SEMA3F: variants seen among roughly 807,000 people sequenced by gnomAD.
SEMA3F encodes the protein semaphorin 3F, also known as semaphorin-3F.
In SEMA3F, 30 loss-of-function variants were observed where a neutral mutation model predicts 98.5. The ratio of observed to expected loss-of-function variants is 0.30; its 90% CI spans 0.23 to 0.41. The LOEUF is 0.41. Ranked by LOEUF, SEMA3F falls within the 10% of genes least tolerant of loss-of-function variation. SEMA3F has a pLI of 1.00. For missense variants in SEMA3F, 866 were observed against 1,119.3 expected (o/e 0.77, Z 3.23); for synonymous variants, 380 against 444.8 (o/e 0.85, Z 1.83).
chr3:50,176,710 T>TA (rs904632121), intron 6 of SEMA3F, 58 bp from the exon 7 acceptor site: 25 of 1,310,192 alleles, frequency 1.9e-5, no homozygotes, highest in Non-Finnish European at 2.4e-5. Context: ...TGGTGACCCT[T>TA]ACACTTCCTG....
chr3:50,165,455 C>T (rs956313395), intron 2 of SEMA3F, among the ~76,000 whole-genome samples: 1 of 152,178 alleles, frequency 6.6e-6, no homozygotes, highest in African/African-American at 2.4e-5. Flanking sequence ...CTGGTTGGGA[C>T]GCACAGTTGG....
chr3:50,162,289 G>A (rs1559719968), intron 2 of SEMA3F, among the ~76,000 whole-genome samples: 2 of 152,242 alleles, frequency 1.3e-5, no homozygotes, highest in East Asian at 3.8e-4. Flanking sequence ...CCATCCGCCT[G>A]GGCACCCCAG....
At chr3:50,161,660 G>T (rs1266351270) in intron 2 of SEMA3F, among the ~76,000 whole-genome samples, 1 of 152,222 alleles carries the variant, frequency 6.6e-6, no homozygotes, top group African/African-American at 2.4e-5. Context: ...TCCTAATTTT[G>T]TGCTTAGACT....
Position 50,182,547 on chromosome 3 carries a change from T to C in SEMA3F, c.764-97T>C. On this transcript the variant is annotated intron_variant, in intron 8 of 18. Coordinates refer to ENST00000002829, the MANE Select transcript of SEMA3F (RefSeq NM_004186.5). The surrounding 1 kb of genome is among the most constrained non-coding windows in gnomAD (Gnocchi z 4.5). ...GGGTAGTTTCTTATCTGGAGAGGAG[T>C]TGGGGGTGTTCTTGCACCTGGCTGG... 2 of 1,575,284 alleles carry C rather than the reference T, an allele frequency of 1.3e-6. No individual in the cohort carries two copies. Among genetic ancestry groups the C allele is most frequent in the Non-Finnish European group, 1.7e-6 (2 of 1,154,588 alleles).
chr3:50,174,080 T>C lies in SEMA3F; in HGVS notation c.302T>C (p.Ile101Thr). 6.2e-7 allele frequency: 1 copy of C among 1,614,074 alleles called. No homozygotes were observed. The highest frequency in any genetic ancestry group is 8.5e-7 in the Non-Finnish European group (1 of 1,180,008). ...CACTGGGCAGCCTCCCCACAGCGCA[T>C]CGAGGAATGCGTGCTCTCAGGCAAG... ...IIHWAASPQR[I>T]EECVLSGKDV... Residue 101 changes from isoleucine (I) to threonine (T), a missense_variant, in exon 4 of 19, where the codon ATC becomes ACC. Around this residue, in one of 3 missense-constraint regions of SEMA3F, gnomAD observed 247 missense variants for 276.0 expected, o/e 0.89. Transcript: ENST00000002829.
At chr3:50,177,847 C>A (rs1244279919) in intron 7 of SEMA3F, among the ~76,000 whole-genome samples, 1 of 151,898 alleles carries the variant, frequency 6.6e-6, no homozygotes, top group Non-Finnish European at 1.5e-5. Flanking sequence ...CATGGTGAAA[C>A]CCTGTCTCTA....
At position 50,186,346 on chromosome 3, in the gene SEMA3F, A is replaced by G. The variant is rs747580790; in HGVS notation, c.1811A>G (p.Asn604Ser). 3.2e-5 allele frequency: 51 copies of G among 1,613,354 alleles called. No homozygotes were observed. The highest frequency in any genetic ancestry group is 6.7e-5 in the East Asian group (3 of 44,890). The change falls in exon 17 of 19, where the codon AAT (asparagine) becomes AGT (serine). Residue 604 changes from asparagine to serine, a missense_variant and splice_region_variant. By Grantham distance (46) the Asn-to-Ser change is conservative. Around this residue, in one of 3 missense-constraint regions of SEMA3F, gnomAD observed 245 missense variants for 260.5 expected, o/e 0.94. Coordinates refer to ENST00000002829, the MANE Select transcript of SEMA3F (RefSeq NM_004186.5). Reference sequence around the variant, plus strand: ...AGGCAGTGCCGTGGGTTCAACTCCAATGGTGAGTATGCTGGGCCTCACTGT... The same window carrying G: ...AGGCAGTGCCGTGGGTTCAACTCCAGTGGTGAGTATGCTGGGCCTCACTGT... ...PIRQCRGFNS[N>S]ANKNAVESVQ...
intron 10 of SEMA3F, 24 bp downstream of exon 10, chr3:50,183,042 G>A: frequency 1.2e-6 from 2 of 1,602,328 alleles, no homozygotes; most frequent in Non-Finnish European, 1.7e-6. Context: ...AGGCAGGCAG[G>A]GTGCTCTGGC....
chr3:50,182,269 C>G lies in SEMA3F; in HGVS notation c.644-15C>G. The G allele has an allele frequency of 6.2e-7, 1 of 1,614,072 alleles. No individual in the cohort carries two copies. Among genetic ancestry groups the G allele is most frequent in the Non-Finnish European group, 8.5e-7 (1 of 1,180,020 alleles). The stretch of plus-strand genomic sequence containing the variant: ...AAACAGCAGCCCCCCAACTGACCCA[C>G]TGGCCTACCCACAGATGAGGAGCTC... On this transcript the variant is annotated splice_polypyrimidine_tract_variant and intron_variant, in intron 7 of 18. Transcript: ENST00000002829. This position sits in a 1 kb window ranked among gnomAD's most constrained non-coding sequence, Gnocchi z 4.5.
At chr3:50,175,224 A>G in intron 6 of SEMA3F, 36 bp downstream of exon 6, 2 of 1,432,190 alleles carry the variant, frequency 1.4e-6, no homozygotes, top group Non-Finnish European at 1.9e-6. Flanking sequence ...GCCAGGCAGC[A>G]CTGCCTCTGA....
At chr3:50,176,713 A>C in intron 6 of SEMA3F, 55 bp from the exon 7 acceptor site, 6 of 1,334,110 alleles carry the variant, frequency 4.5e-6, no homozygotes, top group Non-Finnish European at 4.3e-6. Flanking sequence ...TGACCCTTAC[A>C]CTTCCTGGCT....
At chr3:50,163,673 G>GC (rs1698299615) in intron 2 of SEMA3F, among the ~76,000 whole-genome samples, 1 of 152,188 alleles carries the variant, frequency 6.6e-6, no homozygotes, top group Non-Finnish European at 1.5e-5. Flanking sequence ...ACATGCTCTT[G>GC]CCCCCCAGGG....
intron 18 of SEMA3F, among the ~76,000 whole-genome samples, 157 bp from the exon 19 acceptor site, chr3:50,187,548 C>G (rs1296207502): frequency 2.0e-5 from 3 of 151,934 alleles, no homozygotes; most frequent in East Asian, 3.9e-4. Context: ...TCAAATATCT[C>G]TCATTATGTA....
intron 2 of SEMA3F, among the ~76,000 whole-genome samples, chr3:50,168,755 G>T (rs1485735021): frequency 6.6e-6 from 1 of 152,268 alleles, no homozygotes; most frequent in Admixed American, 6.5e-5. Flanking sequence ...TCCTGTGGGG[G>T]TATCCGGTAG....
rs760769051 is a variant in SEMA3F at position 50,187,897 on chromosome 3, G to T, written c.2140G>T (p.Ala714Ser). The T allele has an allele frequency of 6.2e-7, 1 of 1,609,378 alleles. No individual in the cohort carries two copies. The highest frequency in any genetic ancestry group is 8.5e-7 in the Non-Finnish European group (1 of 1,177,446). The stretch of plus-strand genomic sequence containing the variant: ...CCTCTTCCCACCACTGTCCATGAGC[G>T]CCCCGCCACCCCCAGGCGCAGGCCC... ...AALFPPLSMS[A>S]PPPPGAGPPT... The change falls in exon 19 of 19, where the codon GCC (alanine) becomes TCC (serine). Residue 714 changes from alanine to serine, a missense_variant. Physicochemically the swap from Ala to Ser is moderately conservative, Grantham distance 99. Coordinates refer to ENST00000002829, the MANE Select transcript of SEMA3F (RefSeq NM_004186.5).
chr3:50,183,097 T>C, intron 10 of SEMA3F, 79 bp downstream of exon 10: 1 of 1,560,192 alleles, frequency 6.4e-7, no homozygotes. Flanking sequence ...AGGGTGCCTT[T>C]GGTGGGCCCC....
rs1211414968 is a variant in SEMA3F, at chr3:50,166,116, A to T, written c.112+6382A>T. Among the ~76,000 whole-genome samples, 1 of 89,488 alleles carries T rather than the reference A, an allele frequency of 1.1e-5. No homozygotes were observed. Among genetic ancestry groups the T allele is most frequent in the Non-Finnish European group, 2.3e-5 (1 of 43,606 alleles). 58.7% of individuals were successfully genotyped at this position (89,488 alleles called of 152,430 possible). A position where few individuals can be genotyped will look rare whatever the true frequency, so the allele number is the denominator to read the frequency against. On this transcript the variant is annotated intron_variant, in intron 2 of 18. Transcript: ENST00000002829. The surrounding 1 kb of genome is among the most constrained non-coding windows in gnomAD (Gnocchi z 4.7). The stretch of plus-strand genomic sequence containing the variant: ...CTCTTCTTCCTTCCTTCCTCCCCCT[A>T]CTCCCCCTTGCCTCCACCCCTCCCT...
At chr3:50,186,440 G>A in intron 17 of SEMA3F, 92 bp downstream of exon 17, 1 of 1,448,934 alleles carries the variant, frequency 6.9e-7, no homozygotes, top group Non-Finnish European at 9.6e-7. Flanking sequence ...CACTGTAAGG[G>A]TGCTCTGATG....
intron 2 of SEMA3F, among the ~76,000 whole-genome samples, chr3:50,164,048 G>C (rs1698313271): frequency 6.6e-6 from 1 of 152,242 alleles, no homozygotes; most frequent in Non-Finnish European, 1.5e-5. Context: ...GGTCTTTGGA[G>C]AGAATGGAGA....
Sources: allele counts gnomAD v4.1 joint callset (sites outside exome capture counted in the v4.1 genomes callset), GRCh38; gene constraint gnomAD v4.1.1; regional missense constraint gnomAD v4.1.1; non-coding constraint Gnocchi (gnomAD v3.1); transcripts MANE v1.5; gene names NCBI Gene and HGNC (gene_info 2026-07-23, HGNC 2026-07-21).